Variants in TNRC6B observed in about 807,000 individuals in gnomAD.
TNRC6B encodes trinucleotide repeat containing adaptor 6B.
In TNRC6B, 52 loss-of-function variants were observed where a neutral mutation model predicts 203.6. The observed-to-expected ratio is 0.26, with a 90% CI of 0.20 to 0.32. TNRC6B has a LOEUF of 0.32. Ranked by LOEUF, TNRC6B falls within the 10% of genes least tolerant of loss-of-function variation. The pLI is 1.00. For missense variants in TNRC6B, 1,923 were observed against 2,286.2 expected (o/e 0.84, Z 3.24); for synonymous variants, 838 against 845.7 (o/e 0.99, Z 0.16).
intron 3 of TNRC6B, among the ~76,000 whole-genome samples, chr22:40,126,663 T>C (rs1483630687): frequency 7.2e-6 from 1 of 138,120 alleles, no homozygotes; most frequent in Non-Finnish European, 1.5e-5. Context: ...CGATCTTGAC[T>C]CATTGCAGCC....
intron 1 of TNRC6B, among the ~76,000 whole-genome samples, chr22:40,072,735 G>T (rs144652630): frequency 3.2e-4 from 48 of 152,020 alleles, no homozygotes; most frequent in African/African-American, 1.1e-3. Context: ...ATGGTGGCAC[G>T]TGCCTGAAAT....
At chr22:40,156,325 C>A in intron 4 of TNRC6B, 1 of 730,264 alleles carries the variant, frequency 1.4e-6, no homozygotes, top group Non-Finnish European at 2.3e-6. Context: ...GCTGTTAATG[C>A]ATTGCTTCTA....
chr22:40,293,928 A>C (rs1364812474), intron 12 of TNRC6B, among the ~76,000 whole-genome samples: 1 of 151,364 alleles, frequency 6.6e-6, no homozygotes, highest in Non-Finnish European at 1.5e-5. Context: ...TTTATGACCA[A>C]AGTGTCTGCT....
chr22:40,185,221 C>G (rs147588181), intron 1 of TNRC6B, among the ~76,000 whole-genome samples: 1,766 of 152,184 alleles, frequency 0.012, 9 homozygotes, highest in Non-Finnish European at 0.017. Flanking sequence ...GTTCTCTTTA[C>G]CTTGTGATCC....
At chr22:40,118,927 G>C (rs2068416758) in intron 2 of TNRC6B, among the ~76,000 whole-genome samples, 1 of 152,166 alleles carries the variant, frequency 6.6e-6, no homozygotes, top group Admixed American at 6.5e-5. Context: ...CCAGAGGAGG[G>C]AAAGGCAGAG....
rs1286188068 is a variant in TNRC6B, at chr22:40,265,259, C to T, written c.1029C>T (p.Ser343=). The change falls in exon 5 of 23, where the codon TCC becomes TCT. Residue 343 remains serine, a synonymous_variant. Transcript: ENST00000454349. ...AGGTTAGCACAGTAGGTCAGACATC[C>T]AGGGAACAGCAGTCAAAGATGGAAA... ...SAQVSTVGQT[S]REQQSKMENA... 1.2e-6 allele frequency: 2 copies of T among 1,613,866 alleles called. No homozygotes were observed. The highest frequency in any genetic ancestry group is 1.3e-5 in the African/African-American group (1 of 74,910).
chr22:40,266,993 A>G lies in TNRC6B; in HGVS notation c.2763A>G (p.Arg921=). Residue 921 remains arginine, a synonymous_variant, in exon 5 of 23, where the codon CGA becomes CGG. Coordinates refer to ENST00000454349, the MANE Select transcript of TNRC6B (RefSeq NM_001162501.2). ...ATTCCCAAGGGGGCCCAGCACCTCGAGAACCAAACCTGCCCACCCCAATGA... is the reference window on the plus strand; with the variant it reads ...ATTCCCAAGGGGGCCCAGCACCTCGGGAACCAAACCTGCCCACCCCAATGA... The part of the protein sequence containing the change: ...DKNSQGGPAP[R]EPNLPTPMTS... 2.5e-6 allele frequency: 4 copies of G among 1,611,080 alleles called. No individual in the cohort carries two copies. Among genetic ancestry groups the G allele is most frequent in the Non-Finnish European group, 2.5e-6 (3 of 1,178,542 alleles).
chr22:40,149,650 CAG>C (rs2068729681), intron 3 of TNRC6B, among the ~76,000 whole-genome samples: 1 of 121,362 alleles, frequency 8.2e-6, no homozygotes, highest in Non-Finnish European at 1.6e-5. Context: ...AGCCTGGCAA[CAG>C]AGCGAGACTC....
intron 4 of TNRC6B, among the ~76,000 whole-genome samples, chr22:40,158,904 A>G (rs757083978): frequency 6.6e-6 from 1 of 152,206 alleles, no homozygotes; most frequent in Non-Finnish European, 1.5e-5. Context: ...GCAGTTGGCA[A>G]ATGATTATTA....
intron 1 of TNRC6B, among the ~76,000 whole-genome samples, chr22:40,199,668 T>A (rs1055876041): frequency 6.6e-6 from 1 of 152,134 alleles, no homozygotes; most frequent in African/African-American, 2.4e-5. Context: ...CTATAAAGGC[T>A]ATTGCTGGGA....
chr22:40,281,152 C>T lies in TNRC6B; in HGVS notation c.3445C>T (p.Leu1149Phe). The T allele has an allele frequency of 1.3e-6, 2 of 1,550,988 alleles. No homozygotes were observed. The highest frequency in any genetic ancestry group is 1.7e-6 in the Non-Finnish European group (2 of 1,146,658). The change falls in exon 11 of 23, where the codon CTT becomes TTT. Residue 1149 changes from leucine (L) to phenylalanine (F), a missense_variant. Leu to Phe is a conservative substitution (Grantham distance 22). Coordinates refer to ENST00000454349, the MANE Select transcript of TNRC6B (RefSeq NM_001162501.2). ...GCCTTTCTCCAATCAAGATGGGTGCCTTGGGGATGAGGCTCCCTGCTCTCC... is the reference window on the plus strand; with the variant it reads ...GCCTTTCTCCAATCAAGATGGGTGCTTTGGGGATGAGGCTCCCTGCTCTCC... Reference protein sequence around the residue: ...TLPFSNQDGCLGDEAPCSPFS... With the variant: ...TLPFSNQDGCFGDEAPCSPFS...
chr22:40,230,439 C>T (rs2069852926), intron 1 of TNRC6B, among the ~76,000 whole-genome samples: 1 of 151,908 alleles, frequency 6.6e-6, no homozygotes, highest in African/African-American at 2.4e-5. Flanking sequence ...TACAGGCATG[C>T]ACCACTACCA....
At position 40,048,389 on chromosome 22, in the gene TNRC6B, A is replaced by G. The variant is rs190840101; in HGVS notation, c.-121+3391A>G. ...CCCCGTCTCTACTAAAAATACAAAA[A>G]AATTAGCCGGGTGTGGCGGCGCATG... On this transcript the variant is annotated intron_variant, in intron 1 of 23. Transcript: ENST00000301923. Among the ~76,000 whole-genome samples, 14 of 152,198 alleles carry G rather than the reference A, an allele frequency of 9.2e-5. No individual in the cohort carries two copies. The East Asian group carries it at 2.7e-3, about 29-fold the overall frequency.
At chr22:40,047,426 A>G (rs917043350) in intron 1 of TNRC6B, among the ~76,000 whole-genome samples, 20 of 151,652 alleles carry the variant, frequency 1.3e-4, no homozygotes, top group African/African-American at 4.6e-4. Flanking sequence ...ACATGGTGAA[A>G]CCCCGTCTCT....
intron 3 of TNRC6B, among the ~76,000 whole-genome samples, chr22:40,137,040 T>C (rs978073595): frequency 2.6e-5 from 4 of 151,556 alleles, no homozygotes; most frequent in Non-Finnish European, 5.9e-5. Context: ...AGATCTGTTC[T>C]TAATATTAAG....
At chr22:40,268,732 AAACCCCGCC>A (rs1169257450) in intron 5 of TNRC6B, among the ~76,000 whole-genome samples, 1 of 151,732 alleles carries the variant, frequency 6.6e-6, no homozygotes, top group African/African-American at 2.4e-5. Context: ...TAACACGGTG[AAACCCCGCC>A]TCTACTAAAA....
At chr22:40,102,937 C>T (rs564029426) in intron 1 of TNRC6B, among the ~76,000 whole-genome samples, 16 of 152,174 alleles carry the variant, frequency 1.1e-4, no homozygotes, top group Admixed American at 1.0e-3. Context: ...ATTAGCTGGG[C>T]ATGGTGGCAC....
chr22:40,045,545 C>T (rs908460950), intron 1 of TNRC6B: 2 of 152,192 alleles, frequency 1.3e-5, no homozygotes, highest in African/African-American at 4.8e-5. Context: ...ATCCTCGGGT[C>T]CCTGCGCAGC....
intron 22 of TNRC6B, 160 bp downstream of exon 22, chr22:40,321,389 C>G: frequency 1.2e-6 from 1 of 853,250 alleles, no homozygotes; most frequent in East Asian, 2.7e-5. Flanking sequence ...TGTGGAGGTG[C>G]CGGGTCTTTT....
Sources: gnomAD v4.1 joint callset for allele counts (sites outside exome capture counted in the v4.1 genomes callset) on GRCh38, gnomAD v4.1.1 for gene constraint, MANE v1.5 for transcripts, NCBI Gene and HGNC (gene_info 2026-07-23, HGNC 2026-07-21) for gene names.